Variants in NLRP5 observed in about 807,000 individuals in gnomAD.
The protein encoded by NLRP5 is NLR family pyrin domain containing 5.
In NLRP5, 93 loss-of-function variants were observed where a neutral mutation model predicts 113.1. The observed-to-expected ratio is 0.82, with a 90% CI of 0.70 to 0.98. NLRP5 has a LOEUF of 0.98. NLRP5 is among the 50% of genes least tolerant of loss of function. The probability of loss-of-function intolerance (pLI) is 0.00; values close to 1 mark genes in which losing one functional copy is unlikely to be tolerated. For synonymous variants in NLRP5, 751 were observed against 600.7 expected (o/e 1.25, Z -3.66); for missense variants, 1,808 against 1,514.3 (o/e 1.19, Z -3.22).
chr19:56,024,485 A>G (rs943890506), intron 6 of NLRP5, among the ~76,000 whole-genome samples: 2 of 147,454 alleles, frequency 1.4e-5, no homozygotes, highest in East Asian at 2.0e-4. Flanking sequence ...GTATACGTAC[A>G]TGCGTATATA....
intron 6 of NLRP5, among the ~76,000 whole-genome samples, chr19:56,021,880 G>A (rs918160684): frequency 6.6e-6 from 1 of 151,864 alleles, no homozygotes; most frequent in African/African-American, 2.4e-5. Context: ...TCTGAAAAAA[G>A]GGGCTCTGGG....
chr19:56,004,032 A>G lies in NLRP5; in HGVS notation c.379A>G (p.Ile127Val), dbSNP rs1309460734. Residue 127 changes from isoleucine to valine, a missense_variant, in exon 2 of 15, where the codon ATT becomes GTT. Transcript: ENST00000390649. Reference sequence around the variant, plus strand: ...AGCATCGCTGGCCTGGGCTACGTCCATTAGCATCTTTGAAAACATGAACCT... The same window carrying G: ...AGCATCGCTGGCCTGGGCTACGTCCGTTAGCATCTTTGAAAACATGAACCT... 7 of 1,613,762 alleles carry G rather than the reference A, an allele frequency of 4.3e-6. No individual in the cohort carries two copies. Among genetic ancestry groups the G allele is most frequent in the Non-Finnish European group, 5.9e-6 (7 of 1,179,792 alleles).
intron 10 of NLRP5, among the ~76,000 whole-genome samples, chr19:56,040,359 C>A (rs1983473570): frequency 6.6e-6 from 1 of 152,088 alleles, no homozygotes; most frequent in Non-Finnish European, 1.5e-5. Flanking sequence ...AGTTGGAGGC[C>A]AGCTTCGAGA....
intron 12 of NLRP5, 24 bp from the exon 13 acceptor site, chr19:56,053,614 C>A: frequency 6.2e-7 from 1 of 1,602,100 alleles, no homozygotes; most frequent in Non-Finnish European, 8.5e-7. Context: ...GAGGCAGACT[C>A]TCTCTATTCC....
intron 3 of NLRP5, 62 bp downstream of exon 3, chr19:56,008,915 A>G (rs1383820424): frequency 7.1e-7 from 1 of 1,400,436 alleles, no homozygotes; most frequent in Non-Finnish European, 1.0e-6. Context: ...GCCAGTTTGC[A>G]TCTCTAGGCA....
rs532687776 is a variant in NLRP5, at chr19:56,056,727, T to G, written c.3300-1513T>G. ...CTCCCTACTGGATGTTTTGTCTTTA[T>G]AAATGCTTAGATATTATTTTAGAAG... On this transcript the variant is annotated intron_variant, in intron 13 of 14. Coordinates refer to ENST00000390649, the MANE Select transcript of NLRP5 (RefSeq NM_153447.4). Among the ~76,000 whole-genome samples the G allele has an allele frequency of 1.8e-4, 27 of 152,366 alleles. 1 individual carries two copies. In the South Asian group the frequency reaches 2.5e-3, roughly 14 times the overall value.
At chr19:56,005,505 T>TGGCATTCCTGTAC (rs1568481848) in intron 2 of NLRP5, among the ~76,000 whole-genome samples, 1 of 126,854 alleles carries the variant, frequency 7.9e-6, no homozygotes, top group African/African-American at 3.0e-5. Flanking sequence ...GGCATGCCTG[T>TGGCATTCCTGTAC]ACACATATAT....
rs1491011983 is a variant in NLRP5, at chr19:56,055,533, C to CTTTTTTTTTTTTTTTTTTTTTTT, written c.3299+1726_3299+1727insTTTTTTTTTTTTTTTTTTTTTTT. 7.0e-5 allele frequency among the ~76,000 whole-genome samples: 7 copies of CTTTTTTTTTTTTTTTTTTTTTTT among 99,498 alleles called. 2 individuals are homozygous for CTTTTTTTTTTTTTTTTTTTTTTT. The highest frequency in any genetic ancestry group is 8.3e-5 in the Non-Finnish European group (4 of 48,264). The allele number at this position is 99,498 out of a possible 152,430, so 65.3% of individuals were successfully genotyped here. A position where few individuals can be genotyped will look rare whatever the true frequency, so the allele number is the denominator to read the frequency against. On this transcript the variant is annotated intron_variant, in intron 13 of 14. Coordinates refer to ENST00000390649, the MANE Select transcript of NLRP5 (RefSeq NM_153447.4). Reference sequence around the variant, plus strand: ...AGCTCCATGTTCTATTTTTCTTTCTCTGTCTTTTTTTTTTTTTTTTTTTTT... The same window carrying CTTTTTTTTTTTTTTTTTTTTTTT: ...AGCTCCATGTTCTATTTTTCTTTCTCTTTTTTTTTTTTTTTTTTTTTTTTGTCTTTTTTTTTTTTTTTTTTTTT...
At chr19:56,011,450 T>C (rs946332331) in intron 3 of NLRP5, among the ~76,000 whole-genome samples, 3 of 152,138 alleles carry the variant, frequency 2.0e-5, no homozygotes, top group Non-Finnish European at 2.9e-5. Context: ...TCAATCATGA[T>C]TGCACACTTT....
rs527413229 is a variant in NLRP5 at position 56,013,831 on chromosome 19, T to C, written c.509-1911T>C. On this transcript the variant is annotated intron_variant, in intron 3 of 14. Transcript: ENST00000390649. ...TAATGAAAGCTACAGTAACGTTTGC[T>C]CCACTATTTTTCATTGTAACCATCC... Among the ~76,000 whole-genome samples the C allele has an allele frequency of 1.0e-3, 159 of 152,176 alleles. 1 individual carries two copies. Among genetic ancestry groups the C allele is most frequent in the Middle Eastern group, 3.4e-3 (1 of 294 alleles).
rs370722533 is a variant in NLRP5 at position 56,053,823 on chromosome 19, C to A, written c.3299+15C>A. ...GCGAGACTCGGGTAACTTCCTGGGG[C>A]GCCTCTTTGCGGGCCGGGCTGGGAG... On this transcript the variant is annotated intron_variant, in intron 13 of 14. Coordinates refer to ENST00000390649, the MANE Select transcript of NLRP5 (RefSeq NM_153447.4). The A allele has an allele frequency of 1.2e-6, 2 of 1,609,326 alleles. No homozygotes were observed. The highest frequency in any genetic ancestry group is 2.2e-5 in the East Asian group (1 of 44,776).
intron 4 of NLRP5, among the ~76,000 whole-genome samples, chr19:56,018,311 C>G (rs1374783450): frequency 1.3e-5 from 2 of 152,194 alleles, no homozygotes; most frequent in African/African-American, 2.4e-5. Flanking sequence ...AATGGCAAAT[C>G]TATTCTCATA....
At position 56,015,749 on chromosome 19, in the gene NLRP5, A is replaced by C; in HGVS notation, c.516A>C (p.Ser172=). The C allele has an allele frequency of 2.5e-6, 4 of 1,569,674 alleles. No homozygotes were observed. Among genetic ancestry groups the C allele is most frequent in the Non-Finnish European group, 3.5e-6 (4 of 1,155,564 alleles). ...CTCCCTTCTCTTTTGCAGGAATTTC[A>C]CAAGCTGTGCAACAAGATAGTGCCA... The change falls in exon 4 of 15, where the codon TCA becomes TCC. Residue 172 remains serine (S), a synonymous_variant. Transcript: ENST00000390649.
intron 3 of NLRP5, among the ~76,000 whole-genome samples, 181 bp downstream of exon 3, chr19:56,009,034 A>G (rs967068877): frequency 6.6e-6 from 1 of 151,952 alleles, no homozygotes. Context: ...TCTCTTTCCA[A>G]GTTGAAGAGT....
At position 56,061,468 on chromosome 19, in the gene NLRP5, C is replaced by T. The variant is rs755361044; in HGVS notation, c.3543C>T (p.Val1181=). 40 of 1,613,972 alleles carry T rather than the reference C, an allele frequency of 2.5e-5. No individual in the cohort carries two copies. The Middle Eastern group carries it at 4.9e-4, about 20-fold the overall frequency. ...AAGTGCAGCTACTCAAGCCCCGAGT[C>T]GTAATTGACGGTAGTTGGCATTCTT... The change falls in exon 15 of 15, where the codon GTC becomes GTT. Residue 1181 remains valine (V), a synonymous_variant. Coordinates refer to ENST00000390649, the MANE Select transcript of NLRP5 (RefSeq NM_153447.4).
upstream of NLRP5, among the ~76,000 whole-genome samples, chr19:55,998,703 T>C (rs1276531140): frequency 5.4e-4 from 10 of 18,554 alleles, no homozygotes; most frequent in Non-Finnish European, 6.4e-4. Context: ...TATATATATA[T>C]GTGTGTGTGT....
upstream of NLRP5, among the ~76,000 whole-genome samples, chr19:55,999,083 C>T (rs1482117573): frequency 6.6e-6 from 1 of 151,862 alleles, no homozygotes; most frequent in African/African-American, 2.4e-5. Flanking sequence ...ACCTTTTCAT[C>T]AATATTTCCT....
chr19:55,994,361 C>A, the NLRP5 span, among the ~76,000 whole-genome samples: 1 of 152,060 alleles, frequency 6.6e-6, no homozygotes, highest in East Asian at 1.9e-4. Flanking sequence ...TAGTTCCTTG[C>A]CAGATCATTA....
Position 56,010,549 on chromosome 19 carries a change from A to G in NLRP5, c.508+1696A>G, listed in dbSNP as rs555223459. Among the ~76,000 whole-genome samples the G allele has an allele frequency of 4.7e-3, 708 of 151,444 alleles. 3 individuals carry two copies. Among genetic ancestry groups the G allele is most frequent in the African/African-American group, 0.016 (672 of 41,218 alleles). On this transcript the variant is annotated intron_variant, in intron 3 of 14. Transcript: ENST00000390649. ...CACCTGAGGTCGGGAGTTCGAGACC[A>G]GTCTGACCAACATGGAGACACCCCA...
Sources: allele counts gnomAD v4.1 joint callset (sites outside exome capture counted in the v4.1 genomes callset), GRCh38; gene constraint gnomAD v4.1.1; transcripts MANE v1.5; gene names NCBI Gene and HGNC (gene_info 2026-07-23, HGNC 2026-07-21).